Variants in GRM4 observed in about 807,000 individuals in gnomAD.
GRM4 encodes glutamate metabotropic receptor 4, also known as metabotropic glutamate receptor 4.
Under a neutral mutation model 81.7 loss-of-function variants are expected in GRM4, and 28 were observed. The ratio of observed to expected loss-of-function variants is 0.34; its 90% CI spans 0.25 to 0.47. The LOEUF is 0.47. Ranked by LOEUF, GRM4 falls within the 20% of genes least tolerant of loss-of-function variation. The pLI is 1.00. For missense variants in GRM4, 948 were observed against 1,290.0 expected (o/e 0.73, Z 4.06); for synonymous variants, 488 against 528.8 (o/e 0.92, Z 1.06).
intron 3 of GRM4, chr6:34,091,544 A>C: frequency 7.0e-6 from 2 of 284,196 alleles, no homozygotes. Context: ...AGTCCCTGAC[A>C]GCCCTCTAAA....
chr6:34,072,739 CCACA>C (rs1025142431), intron 3 of GRM4, among the ~76,000 whole-genome samples: 7 of 12,504 alleles, frequency 5.6e-4, no homozygotes, highest in Admixed American at 3.0e-3. Context: ...CACACCACAC[CCACA>C]CAATCACCAC....
In GRM4 at chr6:34,036,432, A is replaced by T; in HGVS notation, c.1678T>A (p.Cys560Ser). The change falls in exon 9 of 11, where the codon TGT becomes AGT. Residue 560 changes from cysteine to serine, a missense_variant. Transcript: ENST00000538487. This position sits in a 1 kb window ranked among gnomAD's most constrained non-coding sequence, Gnocchi z 9.0. Reference protein sequence around the residue: ...YQVDRYTCKTCPYDMRPTENR... With the variant: ...YQVDRYTCKTSPYDMRPTENR... ...TCTGTGGGCCGCATGTCATAGGGAC[A>T]CGTCTTACAGGTGTAGCGGTCCACC... is the stretch of plus-strand genomic sequence containing the variant. 1 of 1,613,534 alleles carries T rather than the reference A, an allele frequency of 6.2e-7. No homozygotes were observed. The highest frequency in any genetic ancestry group is 8.5e-7 in the Non-Finnish European group (1 of 1,179,726).
At chr6:34,105,819 T>G (rs1202714258) in intron 2 of GRM4, 1 of 152,192 alleles carries the variant, frequency 6.6e-6, no homozygotes, top group African/African-American at 2.4e-5. Context: ...CAGGCCAGAG[T>G]GTTGGGCAAA....
chr6:34,107,799 C>G (rs1343515969), intron 2 of GRM4, among the ~76,000 whole-genome samples: 1 of 152,184 alleles, frequency 6.6e-6, no homozygotes, highest in African/African-American at 2.4e-5. Context: ...TGCAATGGTC[C>G]AGGTGAGAGA....
intron 6 of GRM4, among the ~76,000 whole-genome samples, chr6:34,041,311 G>A (rs980354018): frequency 6.6e-6 from 1 of 152,144 alleles, no homozygotes; most frequent in Non-Finnish European, 1.5e-5. Context: ...GCCCTCAATG[G>A]TTTCTAGTCA....
Position 34,121,619 on chromosome 6 carries a change from C to G in GRM4, c.519+11359G>C, listed in dbSNP as rs908988867. Reference sequence around the variant, plus strand: ...CCAGGAGCAGGCAGCACCTTCGAGGCAGATCCCCGCTCAGGGCACCTCTGC... The same window carrying G: ...CCAGGAGCAGGCAGCACCTTCGAGGGAGATCCCCGCTCAGGGCACCTCTGC... On this transcript the variant is annotated intron_variant, in intron 2 of 10. Coordinates refer to ENST00000538487, the MANE Select transcript of GRM4 (RefSeq NM_000841.4). This position sits in a 1 kb window ranked among gnomAD's most constrained non-coding sequence, Gnocchi z 4.6. 4.6e-5 allele frequency among the ~76,000 whole-genome samples: 7 copies of G among 152,210 alleles called. No homozygotes were observed.
At chr6:34,128,459 C>T (rs1341639337) in intron 2 of GRM4, among the ~76,000 whole-genome samples, 3 of 150,504 alleles carry the variant, frequency 2.0e-5, no homozygotes, top group African/African-American at 2.5e-5. Context: ...CTGACTACAA[C>T]CTCTGCCTCC....
At chr6:34,142,842 G>T (rs1390007687) in intron 1 of GRM4, among the ~76,000 whole-genome samples, 2 of 152,218 alleles carry the variant, frequency 1.3e-5, no homozygotes, top group African/African-American at 4.8e-5. Context: ...AGGAGGAGCG[G>T]CCTACGCAAG....
chr6:34,073,601 T>C (rs960859522), intron 3 of GRM4, among the ~76,000 whole-genome samples: 9 of 152,026 alleles, frequency 5.9e-5, no homozygotes, highest in Admixed American at 2.0e-4. Flanking sequence ...TGGCCAACCC[T>C]GCTCCATTAA....
intron 9 of GRM4, 103 bp from the exon 10 acceptor site, chr6:34,028,469 C>A (rs1764251301): frequency 7.7e-7 from 1 of 1,302,212 alleles, no homozygotes; most frequent in South Asian, 1.4e-5. Flanking sequence ...CCGCTGCCTT[C>A]AGGCAGAAGG....
At chr6:34,041,887 G>A (rs899046884) in intron 6 of GRM4, among the ~76,000 whole-genome samples, 2 of 152,184 alleles carry the variant, frequency 1.3e-5, no homozygotes, top group African/African-American at 2.4e-5. Context: ...GGCATTGTAC[G>A]GAACTCTTGA....
intron 1 of GRM4, among the ~76,000 whole-genome samples, chr6:34,143,439 CT>C (rs1254470327): frequency 6.6e-6 from 1 of 152,216 alleles, no homozygotes; most frequent in Non-Finnish European, 1.5e-5. Context: ...TCCCCAGGGC[CT>C]GCCAAGAAGA....
chr6:34,148,053 C>G (rs12200221), upstream of GRM4, among the ~76,000 whole-genome samples: 485 of 137,262 alleles, frequency 3.5e-3, 3 homozygotes, highest in Non-Finnish European at 5.0e-3. Context: ...TCCCACCCCC[C>G]GCCCCCCACC....
chr6:34,155,351 A>G, exon 1 of GRM4: 3 of 1,510,768 alleles, frequency 2.0e-6, no homozygotes, highest in Non-Finnish European at 2.6e-6. Flanking sequence ...GGGGCGCGCC[A>G]GCCGCAGGAA....
rs963472954 is a variant in GRM4, at chr6:34,074,425, C to T, written c.737-12397G>A. On this transcript the variant is annotated intron_variant, in intron 3 of 10. Transcript: ENST00000538487. The surrounding 1 kb of genome is among the most constrained non-coding windows in gnomAD (Gnocchi z 4.9). ...AGGATGCAGGCCTTGGAGGACCTGCCAGGGCAGCTGTGAGGCTCAACATCT... is the reference window on the plus strand; with the variant it reads ...AGGATGCAGGCCTTGGAGGACCTGCTAGGGCAGCTGTGAGGCTCAACATCT... Among the ~76,000 whole-genome samples the T allele has an allele frequency of 4.6e-5, 7 of 152,158 alleles. No individual in the cohort carries two copies. Among genetic ancestry groups the T allele is most frequent in the African/African-American group, 1.7e-4 (7 of 41,438 alleles).
chr6:34,145,960 C>A, intron 1 of GRM4, 40 bp downstream of exon 1: 1 of 981,216 alleles, frequency 1.0e-6, no homozygotes, highest in Non-Finnish European at 1.2e-6. Flanking sequence ...TCCGGAAGCC[C>A]CCCCCTTCCT....
intron 3 of GRM4, among the ~76,000 whole-genome samples, chr6:34,071,778 A>G (rs1766885757): frequency 6.6e-6 from 1 of 150,786 alleles, no homozygotes; most frequent in Non-Finnish European, 1.5e-5. Context: ...TATACAGCAC[A>G]CATAGACACA....
intron 6 of GRM4, among the ~76,000 whole-genome samples, chr6:34,044,225 T>C (rs1462672827): frequency 5.6e-5 from 8 of 141,794 alleles, no homozygotes; most frequent in South Asian, 2.2e-4. Context: ...TACACATATA[T>C]ACAGACACAC....
rs556538432 is a variant in GRM4 at position 34,034,599 on chromosome 6, G to A, written c.2442+1069C>T. 1.1e-4 allele frequency among the ~76,000 whole-genome samples: 17 copies of A among 152,272 alleles called. No homozygotes were observed. The highest frequency in any genetic ancestry group is 1.9e-4 in the East Asian group (1 of 5,188). ...TCTGGCCTGTCACCTCTCTGATCTCGTTCCCCACTCCTCTGGCTTCCTCAG... is the reference window on the plus strand; with the variant it reads ...TCTGGCCTGTCACCTCTCTGATCTCATTCCCCACTCCTCTGGCTTCCTCAG... On this transcript the variant is annotated intron_variant, in intron 9 of 10. Coordinates refer to ENST00000538487, the MANE Select transcript of GRM4 (RefSeq NM_000841.4). This position sits in a 1 kb window ranked among gnomAD's most constrained non-coding sequence, Gnocchi z 4.0.
Sources: gnomAD v4.1 joint callset for allele counts (sites outside exome capture counted in the v4.1 genomes callset) on GRCh38, gnomAD v4.1.1 for gene constraint, Gnocchi (gnomAD v3.1) non-coding constraint, MANE v1.5 for transcripts, NCBI Gene and HGNC (gene_info 2026-07-23, HGNC 2026-07-21) for gene names.